Variants in FTO observed in about 807,000 individuals in gnomAD.
The protein encoded by FTO is alpha-ketoglutarate-dependent dioxygenase FTO.
In FTO, 47 loss-of-function variants were observed where a neutral mutation model predicts 63.9. The ratio of observed to expected loss-of-function variants is 0.74; its 90% confidence interval spans 0.58 to 0.94. The LOEUF (loss-of-function observed/expected upper bound fraction) is 0.94, where lower values mean the gene tolerates loss of function less well. Among genes scored for constraint, FTO ranks in the 40% least tolerant of loss-of-function variants. FTO has a pLI of 0.00. For synonymous variants in FTO, 207 were observed against 224.4 expected, an observed-to-expected ratio of 0.92 and a Z score of 0.69; for missense variants, 562 against 618.1, an observed-to-expected ratio of 0.91 and a Z score of 0.96.
At chr16:53,999,278 G>T (rs1213884061) in intron 8 of FTO, among the ~76,000 whole-genome samples, 1 of 152,194 alleles carries the variant, frequency 6.6e-6, no homozygotes, top group East Asian at 1.9e-4. Flanking sequence ...CATTAGGCAG[G>T]ATTTATATGT....
chr16:53,744,832 C>CA (rs971082228), intron 1 of FTO, among the ~76,000 whole-genome samples: 2 of 72,068 alleles, frequency 2.8e-5, no homozygotes, highest in East Asian at 3.1e-4. Context: ...TCTTCCCCCC[C>CA]CCCATATATG....
At chr16:53,852,568 A>T (rs952775638) in intron 4 of FTO, among the ~76,000 whole-genome samples, 4 of 152,216 alleles carry the variant, frequency 2.6e-5, no homozygotes, top group African/African-American at 9.6e-5. Flanking sequence ...CTGAAATTAG[A>T]AAGCCAGTAC....
intron 1 of FTO, among the ~76,000 whole-genome samples, chr16:53,740,652 G>A (rs944961810): frequency 2.6e-5 from 4 of 152,058 alleles, no homozygotes; most frequent in African/African-American, 9.7e-5. Flanking sequence ...CAGTTTAGGG[G>A]CACTGAAAAT....
At chr16:53,925,213 T>C (rs1307006617) in intron 7 of FTO, among the ~76,000 whole-genome samples, 2 of 152,172 alleles carry the variant, frequency 1.3e-5, no homozygotes, top group East Asian at 1.9e-4. Context: ...AAACCAAGTT[T>C]CTTCACAAGT....
At chr16:53,988,257 A>G (rs1319317985) in intron 8 of FTO, among the ~76,000 whole-genome samples, 2 of 152,190 alleles carry the variant, frequency 1.3e-5, no homozygotes, top group Non-Finnish European at 2.9e-5. Flanking sequence ...CCTTGTAAAT[A>G]TGGTTAAACT....
At chr16:54,041,275 C>A (rs2085068709) in intron 8 of FTO, among the ~76,000 whole-genome samples, 1 of 152,038 alleles carries the variant, frequency 6.6e-6, no homozygotes, top group African/African-American at 2.4e-5. Flanking sequence ...AGAGGGAGCA[C>A]AGGGGGAAAC....
At chr16:54,018,442 A>G (rs935918175) in intron 8 of FTO, among the ~76,000 whole-genome samples, 3 of 152,172 alleles carry the variant, frequency 2.0e-5, no homozygotes, top group Non-Finnish European at 4.4e-5. Context: ...ACATACATAC[A>G]TACATACATT....
At chr16:53,837,216 C>T (rs945105327) in intron 3 of FTO, among the ~76,000 whole-genome samples, 2 of 152,174 alleles carry the variant, frequency 1.3e-5, no homozygotes, top group African/African-American at 4.8e-5. Flanking sequence ...CAATTTTTCT[C>T]CCAAGTCCGT....
intron 8 of FTO, among the ~76,000 whole-genome samples, chr16:54,062,164 A>G (rs1163609943): frequency 1.3e-5 from 2 of 152,212 alleles, no homozygotes; most frequent in African/African-American, 4.8e-5. Context: ...TTATTTTTGA[A>G]GCAGTCAACT....
chr16:53,809,483 G>A (rs1838923908), intron 1 of FTO, among the ~76,000 whole-genome samples: 1 of 152,084 alleles, frequency 6.6e-6, no homozygotes, highest in African/African-American at 2.4e-5. Context: ...ACAGACAGGC[G>A]TTTGCTCTGG....
chr16:54,073,601 C>T (rs1000240132), intron 8 of FTO, among the ~76,000 whole-genome samples: 2 of 148,778 alleles, frequency 1.3e-5, no homozygotes, highest in African/African-American at 2.5e-5. Context: ...TCTCTCTCTT[C>T]TCTCTCTCTC....
At chr16:53,791,810 A>G (rs2077921036) in intron 1 of FTO, among the ~76,000 whole-genome samples, 1 of 152,214 alleles carries the variant, frequency 6.6e-6, no homozygotes, top group East Asian at 1.9e-4. Context: ...GCGGTGGCTC[A>G]CGCTTGTAAT....
At chr16:53,833,486 A>G (rs984251262) in intron 3 of FTO, among the ~76,000 whole-genome samples, 22 of 152,356 alleles carry the variant, frequency 1.4e-4, no homozygotes, top group Admixed American at 9.8e-4. Context: ...TATGGTGGAT[A>G]AAGTTGCTGT....
At chr16:54,108,594 A>C (rs1193192288) in intron 8 of FTO, among the ~76,000 whole-genome samples, 1 of 152,186 alleles carries the variant, frequency 6.6e-6, no homozygotes, top group African/African-American at 2.4e-5. Context: ...CAACTCTCTC[A>C]TTGGCATTTC....
chr16:54,056,370 C>T (rs1328298699), intron 8 of FTO, among the ~76,000 whole-genome samples: 2 of 152,120 alleles, frequency 1.3e-5, no homozygotes, highest in Non-Finnish European at 2.9e-5. Context: ...GGTTTGTGGC[C>T]CAGAGGGCAC....
chr16:53,878,426 T>C (rs544870617), intron 5 of FTO, among the ~76,000 whole-genome samples: 1 of 152,302 alleles, frequency 6.6e-6, no homozygotes, highest in African/African-American at 2.4e-5. Context: ...CACCCAGCAC[T>C]CTGGGATCTT....
At chr16:53,831,199 A>C (rs1267131705) in intron 3 of FTO, among the ~76,000 whole-genome samples, 2 of 152,176 alleles carry the variant, frequency 1.3e-5, no homozygotes, top group Non-Finnish European at 2.9e-5. Context: ...GTTTTGGAGT[A>C]TTCATAAAAA....
chr16:54,055,666 G>A (rs960702327), intron 8 of FTO, among the ~76,000 whole-genome samples: 2 of 152,102 alleles, frequency 1.3e-5, no homozygotes, highest in African/African-American at 2.4e-5. Flanking sequence ...GAAACAAGTC[G>A]ATTCTTGGAT....
At chr16:53,846,257 T>C (rs1373683469) in intron 4 of FTO, among the ~76,000 whole-genome samples, 1 of 152,204 alleles carries the variant, frequency 6.6e-6, no homozygotes. Context: ...TCCTGCCTGA[T>C]CTCAGGAAGT....
Sources: gnomAD v4.1 joint callset for allele counts (sites outside exome capture counted in the v4.1 genomes callset) on GRCh38, gnomAD v4.1.1 for gene constraint, MANE v1.5 for transcripts, NCBI Gene and HGNC (gene_info 2026-07-23, HGNC 2026-07-21) for gene names.